Variants in FAM13C observed in about 807,000 individuals in gnomAD.
The protein encoded by FAM13C is family with sequence similarity 13 member C, also known as protein FAM13C.
A neutral mutation model predicts 73.2 loss-of-function variants in FAM13C; 37 were observed. The ratio of observed to expected loss-of-function variants is 0.51; its 90% CI spans 0.39 to 0.67. FAM13C has a LOEUF of 0.67. Among genes scored for constraint, FAM13C ranks in the 30% least tolerant of loss-of-function variants. The pLI is 0.00. For missense variants in FAM13C, 589 were observed against 715.6 expected (o/e 0.82, Z 2.02); for synonymous variants, 246 against 260.9 (o/e 0.94, Z 0.55).
intron 3 of FAM13C, 30 bp from the exon 4 acceptor site, chr10:59,324,136 G>C: frequency 6.5e-7 from 1 of 1,547,698 alleles, no homozygotes; most frequent in Non-Finnish European, 8.9e-7. Flanking sequence ...AAGTAGATGA[G>C]CTGTCAACAG....
chr10:59,349,889 T>C (rs1486520781), intron 3 of FAM13C, among the ~76,000 whole-genome samples: 2 of 152,262 alleles, frequency 1.3e-5, no homozygotes, highest in Non-Finnish European at 2.9e-5. Flanking sequence ...ATACTTCAAC[T>C]ATCTGTAATT....
At chr10:59,271,958 T>C (rs1843765008) in intron 6 of FAM13C, among the ~76,000 whole-genome samples, 1 of 152,170 alleles carries the variant, frequency 6.6e-6, no homozygotes, top group African/African-American at 2.4e-5. Flanking sequence ...GGTCTCTTAC[T>C]GGTTGCTGTT....
intron 5 of FAM13C, among the ~76,000 whole-genome samples, chr10:59,286,116 C>G (rs1589453825): frequency 6.6e-6 from 1 of 152,250 alleles, no homozygotes; most frequent in South Asian, 2.1e-4. Context: ...CAGCAACATG[C>G]CACAACATGT....
intron 6 of FAM13C, chr10:59,282,931 C>T (rs1589443583): frequency 5.7e-6 from 1 of 174,058 alleles, no homozygotes; most frequent in East Asian, 1.4e-4. Context: ...GATCATCTTA[C>T]AAGCAGTTAA....
chr10:59,270,328 A>G, intron 6 of FAM13C: 1 of 550,562 alleles, frequency 1.8e-6, no homozygotes, highest in Non-Finnish European at 3.2e-6. Flanking sequence ...AAGGAAACAA[A>G]TAAGTTTGGT....
At chr10:59,254,066 C>CT (rs1841682236) in intron 11 of FAM13C, 1 of 370,094 alleles carries the variant, frequency 2.7e-6, no homozygotes, top group South Asian at 1.5e-4. Context: ...AAACTGAAAT[C>CT]TATCATTTCT....
At chr10:59,268,427 G>A (rs1589397460) in intron 8 of FAM13C, 126 bp downstream of exon 8, 2 of 1,198,748 alleles carry the variant, frequency 1.7e-6, no homozygotes, top group Admixed American at 2.2e-5. Flanking sequence ...GATAGGTCCA[G>A]GTTGGCCCAT....
chr10:59,288,464 G>C lies in FAM13C; in HGVS notation c.508-5017C>G, dbSNP rs532199187. The stretch of plus-strand genomic sequence containing the variant: ...GCCAAGATCATGCCATTGCACTCCA[G>C]ACTGGGCAACAGGGGGAAAAAGAAG... On this transcript the variant is annotated intron_variant, in intron 5 of 13. Coordinates refer to ENST00000618804, the MANE Select transcript of FAM13C (RefSeq NM_198215.4). 9.8e-4 allele frequency among the ~76,000 whole-genome samples: 149 copies of C among 152,102 alleles called. 3 individuals are homozygous for C. Among genetic ancestry groups the C allele is most frequent in the Non-Finnish European group, 1.5e-3 (103 of 67,974 alleles).
At chr10:59,302,688 A>G in intron 5 of FAM13C, 113 bp downstream of exon 5, 4 of 1,006,268 alleles carry the variant, frequency 4.0e-6, no homozygotes, top group Non-Finnish European at 6.0e-6. Flanking sequence ...AGTTCACTTA[A>G]AAGCAAAAAT....
intron 5 of FAM13C, among the ~76,000 whole-genome samples, chr10:59,289,906 C>A (rs1360744623): frequency 6.6e-6 from 1 of 152,094 alleles, no homozygotes; most frequent in Non-Finnish European, 1.5e-5. Flanking sequence ...GGCCAGACTG[C>A]TAGTGCTTTT....
intron 3 of FAM13C, among the ~76,000 whole-genome samples, chr10:59,337,565 C>CA (rs1290792116): frequency 6.6e-6 from 1 of 150,700 alleles, no homozygotes; most frequent in Non-Finnish European, 1.5e-5. Flanking sequence ...AGGTACAAAA[C>CA]AATACATTCT....
intron 3 of FAM13C, among the ~76,000 whole-genome samples, chr10:59,328,614 T>C (rs1227998619): frequency 6.6e-6 from 1 of 152,222 alleles, no homozygotes; most frequent in Non-Finnish European, 1.5e-5. Flanking sequence ...GTACACATCC[T>C]GTATATCTTC....
At position 59,307,667 on chromosome 10, in the gene FAM13C, G is replaced by A. The variant is rs146390033; in HGVS notation, c.444-4803C>T. 9.1e-3 allele frequency among the ~76,000 whole-genome samples: 1,388 copies of A among 152,192 alleles called. 25 individuals are homozygous for A. Among genetic ancestry groups the A allele is most frequent in the African/African-American group, 0.032 (1,314 of 41,514 alleles). On this transcript the variant is annotated intron_variant, in intron 4 of 13. Coordinates refer to ENST00000618804, the MANE Select transcript of FAM13C (RefSeq NM_198215.4). ...GCCCTTGTGGAACTTATATTCTCAC[G>A]GAAGGATAACAAAAAGAAATAAACC...
intron 10 of FAM13C, among the ~76,000 whole-genome samples, chr10:59,258,573 T>C (rs1842165930): frequency 6.6e-6 from 1 of 152,202 alleles, no homozygotes; most frequent in Admixed American, 6.5e-5. Context: ...AAGACATTAA[T>C]AACAATAGTT....
intron 3 of FAM13C, among the ~76,000 whole-genome samples, chr10:59,344,369 C>G (rs1853985101): frequency 6.6e-6 from 1 of 151,550 alleles, no homozygotes; most frequent in Admixed American, 6.6e-5. Flanking sequence ...AGTTCCGCCC[C>G]CCAGGTTCAC....
intron 11 of FAM13C, chr10:59,254,052 T>C (rs936747797): frequency 2.8e-6 from 1 of 353,480 alleles, no homozygotes; most frequent in Admixed American, 4.7e-5. Context: ...AATTAGAAAA[T>C]GCCAAACTGA....
intron 5 of FAM13C, 90 bp downstream of exon 5, chr10:59,302,711 T>G: frequency 4.1e-6 from 5 of 1,231,158 alleles, no homozygotes; most frequent in African/African-American, 1.5e-5. Context: ...TAAGTTTTCA[T>G]GAGAATGAAT....
chr10:59,322,581 C>T (rs1037137533), intron 4 of FAM13C, among the ~76,000 whole-genome samples: 15 of 152,198 alleles, frequency 9.9e-5, no homozygotes, highest in African/African-American at 1.4e-4. Flanking sequence ...TAATTGCTAA[C>T]GCCATTTTCC....
chr10:59,348,463 G>C (rs1854597732), intron 3 of FAM13C, among the ~76,000 whole-genome samples: 1 of 152,174 alleles, frequency 6.6e-6, no homozygotes, highest in African/African-American at 2.4e-5. Flanking sequence ...GTGGAGCTTT[G>C]CCTGATATTA....
Sources: gnomAD v4.1 joint callset for allele counts (sites outside exome capture counted in the v4.1 genomes callset) on GRCh38, gnomAD v4.1.1 for gene constraint, MANE v1.5 for transcripts, NCBI Gene and HGNC (gene_info 2026-07-23, HGNC 2026-07-21) for gene names.